The following BNIP5 variants were observed in gnomAD, a reference collection of about 807,000 sequenced individuals.
BNIP5 encodes the protein BCL2 interacting protein 5.
A neutral mutation model predicts 67.3 loss-of-function variants in BNIP5; 61 were observed. The ratio of observed to expected loss-of-function variants is 0.91; its 90% CI spans 0.74 to 1.12. The LOEUF is 1.12. Among genes scored for constraint, BNIP5 ranks in the 50% most tolerant of loss-of-function variants. The probability of loss-of-function intolerance (pLI) is 0.00; values close to 1 mark genes in which losing one functional copy is unlikely to be tolerated. For missense variants in BNIP5, 826 were observed against 816.3 expected (o/e 1.01, Z -0.14); for synonymous variants, 317 against 319.0 (o/e 0.99, Z 0.07).
chr6:36,333,191 G>A (rs1771942127), intron 1 of BNIP5, among the ~76,000 whole-genome samples: 1 of 152,270 alleles, frequency 6.6e-6, no homozygotes, highest in Non-Finnish European at 1.5e-5. Context: ...AGTATGGGAA[G>A]GAAACCAGAT....
At chr6:36,334,051 G>GTCATTGCTATGGAAA (rs1370107570) in intron 1 of BNIP5, among the ~76,000 whole-genome samples, 1 of 152,240 alleles carries the variant, frequency 6.6e-6, no homozygotes, top group East Asian at 1.9e-4. Context: ...TTAAAAAGCT[G>GTCATTGCTATGGAAA]TCATTGCTAT....
chr6:36,319,738 A>G, intron 10 of BNIP5, 128 bp from the exon 11 acceptor site: 1 of 1,038,568 alleles, frequency 9.6e-7, no homozygotes, highest in Non-Finnish European at 1.4e-6. Context: ...CCCTTGTTAC[A>G]TCCCTCCACT....
chr6:36,330,800 A>G lies in BNIP5; in HGVS notation c.-4-106T>C, dbSNP rs148418963. ...GTTTTTTATGACGGAGCCTCGGTCTATTGCCCAGGCTGGAGTGCAGTGGCG... is the reference window on the plus strand; with the variant it reads ...GTTTTTTATGACGGAGCCTCGGTCTGTTGCCCAGGCTGGAGTGCAGTGGCG... On this transcript the variant is annotated intron_variant, in intron 1 of 11. Transcript: ENST00000437635. 2.6e-3 allele frequency: 3,658 copies of G among 1,408,070 alleles called. 75 individuals carry two copies. In the African/African-American group the frequency reaches 0.044, roughly 17 times the overall value. 87.2% of individuals were successfully genotyped at this position (1,408,070 alleles called of 1,614,324 possible). A position where few individuals can be genotyped will look rare whatever the true frequency, so the allele number is the denominator to read the frequency against.
In BNIP5 at chr6:36,319,598, G is replaced by T; in HGVS notation, c.1681C>A (p.Pro561Thr). Residue 561 changes from proline to threonine, a missense_variant, in exon 11 of 12, where the codon CCC (proline) becomes ACC (threonine). Pro to Thr is a conservative substitution (Grantham distance 38). Coordinates refer to ENST00000437635, the MANE Select transcript of BNIP5 (RefSeq NM_001010903.5). The part of the protein sequence containing the change: ...GQLGQQIRRH[P>T]SFKRFFYEFS... ...TCGTAAAAAAACCTCTTAAAGCTGG[G>T]GTGGCGCCTGATCTGGAAGTGGAAA... 6.2e-7 allele frequency: 1 copy of T among 1,610,946 alleles called. No homozygotes were observed. The highest frequency in any genetic ancestry group is 2.2e-5 in the East Asian group (1 of 44,794).
chr6:36,321,681 T>C (rs1420916309), intron 9 of BNIP5, among the ~76,000 whole-genome samples: 2 of 152,274 alleles, frequency 1.3e-5, no homozygotes, highest in Admixed American at 1.3e-4. Flanking sequence ...TCGTACTAAG[T>C]TTACTGTAAA....
intron 1 of BNIP5, among the ~76,000 whole-genome samples, chr6:36,333,368 A>G (rs1771946433): frequency 6.6e-6 from 1 of 152,204 alleles, no homozygotes. Flanking sequence ...GCTACATGGA[A>G]ACTTTTAGCA....
rs570127153 is a variant in BNIP5, at chr6:36,322,351, C to G, written c.1563G>C (p.Thr521=). The change falls in exon 9 of 12, where the codon ACG becomes ACC. Residue 521 remains threonine (T), a synonymous_variant. Coordinates refer to ENST00000437635, the MANE Select transcript of BNIP5 (RefSeq NM_001010903.5). ...CACTCAGCTGAGGTGCCCCTTCTGG[C>G]GTGTGGCCTCTAGCCTGGGAGGGTG... ...SEAPSQARGH[T]PEGAPQLSGA... 1.1e-5 allele frequency: 17 copies of G among 1,614,026 alleles called. No individual in the cohort carries two copies. In the African/African-American group the frequency reaches 1.6e-4, roughly 15 times the overall value.
chr6:36,316,226 C>G lies in BNIP5; in HGVS notation c.*1130G>C, dbSNP rs1771511309. 1.3e-5 allele frequency: 4 copies of G among 317,600 alleles called. No individual in the cohort carries two copies. The highest frequency in any genetic ancestry group is 2.3e-5 in the Non-Finnish European group (4 of 175,078). 19.7% of individuals were successfully genotyped at this position (317,600 alleles called of 1,614,324 possible). A position where few individuals can be genotyped will look rare whatever the true frequency, so the allele number is the denominator to read the frequency against. The stretch of plus-strand genomic sequence containing the variant: ...CTCACTTGCCATCCAGGTTTAACAC[C>G]CTTTCCCCCATGACCACATGTTCTG... On this transcript the variant is annotated 3_prime_UTR_variant, in exon 12 of 12. Transcript: ENST00000437635.
Position 36,326,440 on chromosome 6 carries a change from C to T in BNIP5, c.1036+70G>A. On this transcript the variant is annotated intron_variant, in intron 5 of 11. Transcript: ENST00000437635. ...ACGCAACCTTTAAAATGGTCAATTCCATCCCCAGGGAAGGTTCCAGAGCTG... is the reference window on the plus strand; with the variant it reads ...ACGCAACCTTTAAAATGGTCAATTCTATCCCCAGGGAAGGTTCCAGAGCTG... 1.9e-6 allele frequency: 3 copies of T among 1,591,020 alleles called. No individual in the cohort carries two copies. In the East Asian group the frequency reaches 6.7e-5, roughly 36 times the overall value.
intron 1 of BNIP5, among the ~76,000 whole-genome samples, chr6:36,336,245 T>G (rs758262613): frequency 4.6e-5 from 7 of 152,204 alleles, no homozygotes; most frequent in Non-Finnish European, 8.8e-5. Flanking sequence ...CCATAGGTCA[T>G]AATAACACCT....
intron 2 of BNIP5, among the ~76,000 whole-genome samples, chr6:36,329,205 G>A (rs1771829905): frequency 6.6e-6 from 1 of 152,238 alleles, no homozygotes; most frequent in East Asian, 1.9e-4. Context: ...CAGCCCAGAA[G>A]CACATAGGCA....
chr6:36,334,074 C>T (rs1771961383), intron 1 of BNIP5, among the ~76,000 whole-genome samples: 1 of 152,240 alleles, frequency 6.6e-6, no homozygotes, highest in Admixed American at 6.5e-5. Flanking sequence ...AAACGGTTTT[C>T]GCCATTGCCA....
rs578210145 is a variant in BNIP5 at position 36,326,463 on chromosome 6, C to G, written c.1036+47G>C. The G allele has an allele frequency of 3.1e-6, 5 of 1,609,814 alleles. No individual in the cohort carries two copies. The South Asian group carries it at 3.3e-5, about 11-fold the overall frequency. ...TCCATCCCCAGGGAAGGTTCCAGAG[C>G]TGGAGGCAGCTGCAGGGTTGCTATG... On this transcript the variant is annotated intron_variant, in intron 5 of 11. Transcript: ENST00000437635.
intron 3 of BNIP5, among the ~76,000 whole-genome samples, chr6:36,328,092 G>A (rs1771804867): frequency 6.6e-6 from 1 of 152,170 alleles, no homozygotes; most frequent in South Asian, 2.1e-4. Flanking sequence ...AGCACTCATG[G>A]TATTGTGGTT....
intron 1 of BNIP5, 71 bp from the exon 2 acceptor site, chr6:36,330,765 G>GTTTGTT: frequency 6.7e-7 from 1 of 1,495,690 alleles, no homozygotes; most frequent in South Asian, 1.4e-5. Context: ...TGTTTGTTTT[G>GTTTGTT]TTTGTTTTTG....
At chr6:36,323,602 AAG>A in intron 7 of BNIP5, 69 bp from the exon 8 acceptor site, 1 of 1,582,700 alleles carries the variant, frequency 6.3e-7, no homozygotes, top group South Asian at 1.1e-5. Flanking sequence ...GAGGTGGGGA[AAG>A]AGAGCCACGG....
chr6:36,330,595 C>T lies in BNIP5; in HGVS notation c.96G>A (p.Trp32Ter), dbSNP rs1208811637. 6.2e-7 allele frequency: 1 copy of T among 1,612,616 alleles called. No individual in the cohort carries two copies. Among genetic ancestry groups the T allele is most frequent in the Non-Finnish European group, 8.5e-7 (1 of 1,180,018 alleles). ...PQAPGKGSES[W>*]DCHWLSLPTA... The stretch of plus-strand genomic sequence containing the variant: ...TGGGCAGGGAGAGCCAATGGCAGTC[C>T]CACGACTCCGAGCCTTTCCCGGGGG... The change falls in exon 2 of 12, where the codon TGG becomes TGA. Residue 32 changes from tryptophan (W) to a stop codon, truncating the protein, a stop_gained. Transcript: ENST00000437635. LOFTEE classifies it high-confidence loss of function.
At chr6:36,323,131 C>A (rs1314684866) in intron 8 of BNIP5, among the ~76,000 whole-genome samples, 162 bp downstream of exon 8, 1 of 152,246 alleles carries the variant, frequency 6.6e-6, no homozygotes, top group Non-Finnish European at 1.5e-5. Context: ...TCTCCCCACA[C>A]TTCCACACCC....
rs772098689 is a variant in BNIP5, at chr6:36,319,621, A to G, written c.1669-11T>C. On this transcript the variant is annotated splice_polypyrimidine_tract_variant and intron_variant, in intron 10 of 11. Transcript: ENST00000437635. ...GGGGTGGCGCCTGATCTGGAAGTGG[A>G]AATGAAAACAGGTCATTAGTGTTGC... The G allele has an allele frequency of 8.1e-6, 13 of 1,607,192 alleles. No homozygotes were observed. In the East Asian group the frequency reaches 2.5e-4, roughly 30 times the overall value.
Sources: allele counts gnomAD v4.1 joint callset (sites outside exome capture counted in the v4.1 genomes callset), GRCh38; gene constraint gnomAD v4.1.1; transcripts MANE v1.5; gene names NCBI Gene and HGNC (gene_info 2026-07-23, HGNC 2026-07-21).